NKAIN2: variants seen among roughly 807,000 people sequenced by gnomAD.
NKAIN2 encodes sodium/potassium transporting ATPase interacting 2.
In NKAIN2, 14 loss-of-function variants were observed where a neutral mutation model predicts 32.6. The ratio of observed to expected loss-of-function variants is 0.43; its 90% CI spans 0.28 to 0.67. The LOEUF (loss-of-function observed/expected upper bound fraction) is 0.67, where lower values mean the gene tolerates loss of function less well. Among genes scored for constraint, NKAIN2 ranks in the 30% least tolerant of loss-of-function variants. The pLI, the probability that NKAIN2 is intolerant of heterozygous loss-of-function variation, is 0.17. For synonymous variants in NKAIN2, 80 were observed against 87.2 expected (o/e 0.92, Z 0.46); for missense variants, 198 against 258.3 (o/e 0.77, Z 1.60).
intron 4 of NKAIN2, among the ~76,000 whole-genome samples, chr6:124,701,153 G>GCACGCA (rs1774766214): frequency 7.6e-6 from 1 of 132,030 alleles, no homozygotes; most frequent in African/African-American, 2.7e-5. Context: ...ACACACACAC[G>GCACGCA]CACACACACA....
intron 3 of NKAIN2, among the ~76,000 whole-genome samples, chr6:124,553,064 A>T (rs1362684441): frequency 6.6e-6 from 1 of 152,234 alleles, no homozygotes; most frequent in African/African-American, 2.4e-5. Flanking sequence ...AAATGTCTAT[A>T]CAATTCTTAG....
At chr6:124,260,080 C>G (rs554617705) in intron 1 of NKAIN2, among the ~76,000 whole-genome samples, 1 of 152,168 alleles carries the variant, frequency 6.6e-6, no homozygotes, top group Non-Finnish European at 1.5e-5. Flanking sequence ...TAATAACAAG[C>G]AAGTGCCTTC....
Position 124,506,684 on chromosome 6 carries a change from A to T in NKAIN2, c.273+151337A>T, listed in dbSNP as rs968469031. On this transcript the variant is annotated intron_variant, in intron 3 of 6. Transcript: ENST00000368417. ...TTTTAGTAGAACTATTTTCTCTGTA[A>T]ACTACTGGTATCAGATTTTCACTTA... Among the ~76,000 whole-genome samples the T allele has an allele frequency of 2.6e-5, 4 of 152,190 alleles. No homozygotes were observed. In the East Asian group the frequency reaches 7.7e-4, roughly 29 times the overall value.
At position 124,516,385 on chromosome 6, in the gene NKAIN2, TA is replaced by T. The variant is rs532680153; in HGVS notation, c.274-141800del. 1.5e-3 allele frequency among the ~76,000 whole-genome samples: 222 copies of T among 152,260 alleles called. 1 individual carries two copies. Among genetic ancestry groups the T allele is most frequent in the African/African-American group, 3.7e-3 (155 of 41,552 alleles). On this transcript the variant is annotated intron_variant, in intron 3 of 6. Coordinates refer to ENST00000368417, the MANE Select transcript of NKAIN2 (RefSeq NM_001040214.3). Reference sequence around the variant, plus strand: ...ATAACATTTTTAAAAGATTTTGTGTTATTTTTTTTCAGTTAAAAGAAGAAAA... The same window carrying T: ...ATAACATTTTTAAAAGATTTTGTGTTTTTTTTTTCAGTTAAAAGAAGAAAA...
chr6:123,885,145 A>G (rs931614664), intron 1 of NKAIN2, among the ~76,000 whole-genome samples: 7 of 152,144 alleles, frequency 4.6e-5, no homozygotes, highest in African/African-American at 1.2e-4. Flanking sequence ...ATGTATTAAC[A>G]TTTTTGTATG....
intron 1 of NKAIN2, among the ~76,000 whole-genome samples, chr6:124,112,877 A>G (rs73565490): frequency 0.047 from 7,084 of 150,660 alleles, 553 homozygotes; most frequent in African/African-American, 0.16. Flanking sequence ...TTTTCAGGTC[A>G]CTTGTGTTCT....
intron 4 of NKAIN2, among the ~76,000 whole-genome samples, chr6:124,689,038 T>A (rs951787896): frequency 6.6e-6 from 1 of 152,118 alleles, no homozygotes; most frequent in Admixed American, 6.6e-5. Flanking sequence ...TATTTAGTTT[T>A]CTAAGAAACT....
intron 1 of NKAIN2, among the ~76,000 whole-genome samples, chr6:123,917,983 T>C (rs1286798864): frequency 6.6e-6 from 1 of 152,190 alleles, no homozygotes; most frequent in Non-Finnish European, 1.5e-5. Flanking sequence ...TGAAATTATA[T>C]AAACTTGTAA....
At chr6:124,737,507 A>G (rs980057616) in intron 4 of NKAIN2, among the ~76,000 whole-genome samples, 1 of 151,754 alleles carries the variant, frequency 6.6e-6, no homozygotes, top group African/African-American at 2.4e-5. Flanking sequence ...TAATACAGTA[A>G]ACTGGTACCG....
At chr6:124,754,961 A>G (rs923704603) in intron 4 of NKAIN2, among the ~76,000 whole-genome samples, 4 of 152,178 alleles carry the variant, frequency 2.6e-5, no homozygotes, top group Non-Finnish European at 5.9e-5. Flanking sequence ...CCAGAGGGAC[A>G]GAACTAATAG....
intron 4 of NKAIN2, among the ~76,000 whole-genome samples, chr6:124,711,095 A>T: frequency 7.0e-6 from 1 of 141,940 alleles, no homozygotes; most frequent in Admixed American, 7.1e-5. Context: ...TATGAAGCTT[A>T]GTTTGGCTGG....
In NKAIN2 at chr6:123,904,635, G is replaced by A. The variant is rs548509701; in HGVS notation, c.54+100381G>A. On this transcript the variant is annotated intron_variant, in intron 1 of 6. Coordinates refer to ENST00000368417, the MANE Select transcript of NKAIN2 (RefSeq NM_001040214.3). ...CATGGAAGGGGAAGGGGGTGAGAAA[G>A]ATCCTGTAATTGAATAGTTAATAGG... is the stretch of plus-strand genomic sequence containing the variant. 2.0e-5 allele frequency among the ~76,000 whole-genome samples: 3 copies of A among 152,292 alleles called. No individual in the cohort carries two copies. The South Asian group carries it at 6.2e-4, about 32-fold the overall frequency.
chr6:124,587,243 T>G (rs59615255), intron 3 of NKAIN2, among the ~76,000 whole-genome samples: 7,182 of 152,172 alleles, frequency 0.047, 243 homozygotes, highest in East Asian at 0.095. Context: ...ACTCCTCTTT[T>G]TTTTTGAGAT....
chr6:124,457,012 A>C (rs1369391252), intron 3 of NKAIN2, among the ~76,000 whole-genome samples: 1 of 151,800 alleles, frequency 6.6e-6, no homozygotes, highest in Non-Finnish European at 1.5e-5. Context: ...GGACACTAGA[A>C]ACTCTTCGTG....
At chr6:123,939,385 A>G (rs1318948563) in intron 1 of NKAIN2, among the ~76,000 whole-genome samples, 1 of 151,996 alleles carries the variant, frequency 6.6e-6, no homozygotes, top group African/African-American at 2.4e-5. Flanking sequence ...CCATTTACAT[A>G]TCCTCATAAC....
chr6:124,119,714 C>T (rs1785785096), intron 1 of NKAIN2, among the ~76,000 whole-genome samples: 1 of 152,112 alleles, frequency 6.6e-6, no homozygotes, highest in Non-Finnish European at 1.5e-5. Context: ...GATCTGACTG[C>T]CCTGGGCCTG....
rs527545524 is a variant in NKAIN2 at position 123,915,335 on chromosome 6, TG to T, written c.54+111082del. Among the ~76,000 whole-genome samples the T allele has an allele frequency of 1.6e-3, 244 of 152,302 alleles. 1 individual carries two copies. Among genetic ancestry groups the T allele is most frequent in the Middle Eastern group, 6.8e-3 (2 of 294 alleles). ...CATCTTCCATTTTGGCACCATTTCT[TG>T]ATTGCCATCTTGATAGGACTTTTGT... On this transcript the variant is annotated intron_variant, in intron 1 of 6. Coordinates refer to ENST00000368417, the MANE Select transcript of NKAIN2 (RefSeq NM_001040214.3).
intron 1 of NKAIN2, among the ~76,000 whole-genome samples, chr6:124,260,377 A>G (rs937577824): frequency 6.6e-6 from 1 of 152,204 alleles, no homozygotes; most frequent in Admixed American, 6.5e-5. Flanking sequence ...ATGTGTGGTC[A>G]AGGTGAGATT....
intron 4 of NKAIN2, among the ~76,000 whole-genome samples, chr6:124,788,410 A>C (rs1779598384): frequency 6.6e-6 from 1 of 152,204 alleles, no homozygotes; most frequent in South Asian, 2.1e-4. Flanking sequence ...AGGAGATTGG[A>C]TTCGTCTCTT....
Sources: gnomAD v4.1 joint callset for allele counts (sites outside exome capture counted in the v4.1 genomes callset) on GRCh38, gnomAD v4.1.1 for gene constraint, MANE v1.5 for transcripts, NCBI Gene and HGNC (gene_info 2026-07-23, HGNC 2026-07-21) for gene names.